Variants in STK32B observed in about 807,000 individuals in gnomAD.
STK32B encodes serine/threonine kinase 32B, also known as serine/threonine-protein kinase 32B.
In STK32B, 43 loss-of-function variants were observed where a neutral mutation model predicts 52.6. The ratio of observed to expected loss-of-function variants is 0.82; its 90% CI spans 0.64 to 1.05. The LOEUF is 1.05. Among genes scored for constraint, STK32B ranks in the 50% least tolerant of loss-of-function variants. The probability of loss-of-function intolerance (pLI) is 0.00; values close to 1 mark genes in which losing one functional copy is unlikely to be tolerated. For synonymous variants in STK32B, 238 were observed against 204.3 expected (o/e 1.17, Z -1.41); for missense variants, 621 against 534.6 (o/e 1.16, Z -1.59).
intron 11 of STK32B, among the ~76,000 whole-genome samples, chr4:5,493,835 T>C (rs1719957737): frequency 6.6e-6 from 1 of 152,384 alleles, no homozygotes; most frequent in South Asian, 2.1e-4. Context: ...TTTCGTTATG[T>C]ACCCAGTAGT....
At chr4:5,285,388 C>G (rs115478586) in intron 3 of STK32B, among the ~76,000 whole-genome samples, 1,729 of 151,910 alleles carry the variant, frequency 0.011, 22 homozygotes, top group South Asian at 0.057. Flanking sequence ...TAAAGAATAC[C>G]CAAAATCTCA....
At chr4:5,067,946 A>G (rs1711529058) in intron 1 of STK32B, among the ~76,000 whole-genome samples, 1 of 152,072 alleles carries the variant, frequency 6.6e-6, no homozygotes, top group African/African-American at 2.4e-5. Context: ...AACAGCACCA[A>G]AGTGGGAAGT....
chr4:5,404,863 A>G (rs989343372), intron 5 of STK32B, among the ~76,000 whole-genome samples: 3 of 113,186 alleles, frequency 2.7e-5, no homozygotes, highest in African/African-American at 1.1e-4. Flanking sequence ...TCTGTATGCG[A>G]TTTTTTTTTT....
At chr4:5,192,614 A>G (rs1273518855) in intron 3 of STK32B, among the ~76,000 whole-genome samples, 2 of 152,206 alleles carry the variant, frequency 1.3e-5, no homozygotes, top group Non-Finnish European at 2.9e-5. Context: ...TAAACATTGT[A>G]TATATTTATG....
chr4:5,482,846 A>G (rs939331991), intron 11 of STK32B, among the ~76,000 whole-genome samples: 5 of 152,136 alleles, frequency 3.3e-5, no homozygotes, highest in African/African-American at 9.7e-5. Context: ...TGAGATAATC[A>G]TGTGGTTTTT....
intron 4 of STK32B, among the ~76,000 whole-genome samples, chr4:5,391,704 G>A (rs571276582): frequency 6.6e-6 from 1 of 152,318 alleles, no homozygotes; most frequent in East Asian, 1.9e-4. Flanking sequence ...TTTGGAATCT[G>A]GCCATTGGAT....
chr4:5,149,487 C>T (rs1338451412), intron 2 of STK32B, among the ~76,000 whole-genome samples: 3 of 151,584 alleles, frequency 2.0e-5, no homozygotes, highest in Non-Finnish European at 4.4e-5. Context: ...TGTAAGTATA[C>T]GTTCCAGTAT....
rs113691678 is a variant in STK32B at position 5,190,815 on chromosome 4, C to T, written c.260+22365C>T. Among the ~76,000 whole-genome samples, 593 of 152,126 alleles carry T rather than the reference C, an allele frequency of 3.9e-3. 1 individual carries two copies. The highest frequency in any genetic ancestry group is 0.011 in the African/African-American group (471 of 41,492). On this transcript the variant is annotated intron_variant, in intron 3 of 11. Coordinates refer to ENST00000282908, the MANE Select transcript of STK32B (RefSeq NM_018401.3). ...CTTGGGTTTTGTGACATTGGACACT[C>T]GGAGCAGGTCTCCAAGGCAGGTACT...
intron 3 of STK32B, among the ~76,000 whole-genome samples, chr4:5,300,891 T>G (rs1265919483): frequency 6.6e-6 from 1 of 152,076 alleles, no homozygotes; most frequent in African/African-American, 2.4e-5. Flanking sequence ...TCATTGCAAT[T>G]TCTATTAAAT....
At chr4:5,277,500 G>A (rs1727903012) in intron 3 of STK32B, among the ~76,000 whole-genome samples, 1 of 152,114 alleles carries the variant, frequency 6.6e-6, no homozygotes, top group Non-Finnish European at 1.5e-5. Context: ...AAAAGTTGAA[G>A]TGTCTGATTC....
In STK32B at chr4:5,090,710, C is replaced by A. The variant is rs139191907; in HGVS notation, c.52+38795C>A. Among the ~76,000 whole-genome samples, 225 of 152,118 alleles carry A rather than the reference C, an allele frequency of 1.5e-3. 2 individuals are homozygous for A. The East Asian group carries it at 0.018, about 12-fold the overall frequency. The stretch of plus-strand genomic sequence containing the variant: ...TTTGTATAAGGTGTAAGGAAGGGGT[C>A]CAGTTTCCAATTTTCTGCATATGGC... On this transcript the variant is annotated intron_variant, in intron 1 of 11. Coordinates refer to ENST00000282908, the MANE Select transcript of STK32B (RefSeq NM_018401.3).
chr4:5,376,842 C>A (rs1735620034), intron 4 of STK32B, among the ~76,000 whole-genome samples: 1 of 152,144 alleles, frequency 6.6e-6, no homozygotes, highest in Non-Finnish European at 1.5e-5. Flanking sequence ...CCCCACATCC[C>A]CTCTGGCCCC....
At chr4:5,306,418 A>G (rs1207410052) in intron 3 of STK32B, among the ~76,000 whole-genome samples, 2 of 152,060 alleles carry the variant, frequency 1.3e-5, no homozygotes, top group Non-Finnish European at 2.9e-5. Context: ...TAGGAATGTG[A>G]TATTTTTCTG....
chr4:5,324,696 G>A (rs1476989292), intron 3 of STK32B, among the ~76,000 whole-genome samples: 8 of 152,326 alleles, frequency 5.3e-5, no homozygotes, highest in Middle Eastern at 3.4e-3. Flanking sequence ...TCCCAGGGGA[G>A]CAAAACTGCT....
At chr4:5,313,226 C>G (rs775483955) in intron 3 of STK32B, among the ~76,000 whole-genome samples, 1 of 151,676 alleles carries the variant, frequency 6.6e-6, no homozygotes, top group African/African-American at 2.4e-5. Context: ...AACACTAGTT[C>G]GATATTTTTA....
chr4:5,480,725 C>T (rs1016055222), intron 11 of STK32B, among the ~76,000 whole-genome samples: 2 of 151,994 alleles, frequency 1.3e-5, no homozygotes, highest in African/African-American at 2.4e-5. Flanking sequence ...AATGCTATCC[C>T]TCCCCCCTCC....
At chr4:5,403,880 T>A (rs1408446924) in intron 5 of STK32B, among the ~76,000 whole-genome samples, 1 of 152,118 alleles carries the variant, frequency 6.6e-6, no homozygotes, top group Non-Finnish European at 1.5e-5. Flanking sequence ...CTGAGATGTT[T>A]CTGTTAAGCC....
In STK32B at chr4:5,416,841, G is replaced by T. The variant is rs756036235; in HGVS notation, c.473-4G>T. ...AACTGGAGTTTCTGTTTCTGTATTT[G>T]CAGGACATGTTCACATTACAGACTT... On this transcript the variant is annotated splice_region_variant and splice_polypyrimidine_tract_variant and intron_variant, in intron 5 of 11. Transcript: ENST00000282908. 2 of 1,613,124 alleles carry T rather than the reference G, an allele frequency of 1.2e-6. No individual in the cohort carries two copies. The highest frequency in any genetic ancestry group is 2.2e-5 in the South Asian group (2 of 90,734).
intron 6 of STK32B, among the ~76,000 whole-genome samples, chr4:5,440,677 T>A (rs1386818034): frequency 6.6e-6 from 1 of 152,194 alleles, no homozygotes; most frequent in Non-Finnish European, 1.5e-5. Context: ...ATCCCTGTCT[T>A]GTGCTAGTTT....
Sources: allele counts gnomAD v4.1 joint callset (sites outside exome capture counted in the v4.1 genomes callset), GRCh38; gene constraint gnomAD v4.1.1; transcripts MANE v1.5; gene names NCBI Gene and HGNC (gene_info 2026-07-23, HGNC 2026-07-21).